ZBTB46: variants seen among roughly 807,000 people sequenced by gnomAD.
ZBTB46 encodes zinc finger and BTB domain containing 46.
In ZBTB46, 8 loss-of-function variants were observed where a neutral mutation model predicts 44.1. That is an observed-to-expected ratio of 0.18 (90% CI 0.11 to 0.33). The LOEUF (loss-of-function observed/expected upper bound fraction) is 0.33. Ranked by LOEUF, ZBTB46 falls within the 10% of genes least tolerant of loss-of-function variation. ZBTB46 has a pLI of 1.00. For synonymous variants in ZBTB46, 409 were observed against 382.3 expected, an observed-to-expected ratio of 1.07 and a Z score of -0.81; for missense variants, 651 against 847.7, an observed-to-expected ratio of 0.77 and a Z score of 2.88.
intron 1 of ZBTB46, among the ~76,000 whole-genome samples, chr20:63,801,383 C>T (rs1472089472): frequency 1.3e-5 from 2 of 152,150 alleles, no homozygotes; most frequent in Admixed American, 6.5e-5. Context: ...AATCAGCACC[C>T]TGTCAAAATG....
rs769621508 is a variant in ZBTB46, at chr20:63,790,575, G to A, written c.183C>T (p.Cys61=). The A allele has an allele frequency of 1.2e-6, 2 of 1,613,248 alleles. No individual in the cohort carries two copies. Among genetic ancestry groups the A allele is most frequent in the Non-Finnish European group, 1.7e-6 (2 of 1,180,020 alleles). The change falls in exon 2 of 5, where the codon TGC becomes TGT. Residue 61 remains cysteine (C), a synonymous_variant. Coordinates refer to ENST00000245663, the MANE Select transcript of ZBTB46 (RefSeq NM_001369741.1). ...CCTGCTCCGACGTCTTCTGCACCTG[G>A]CAGTAGAGCGTCTTGAAGTAGCGGC... The part of the protein sequence containing the change: ...GSSRYFKTLY[C]QVQKTSEQAT...
chr20:63,790,361 T>A lies in ZBTB46; in HGVS notation c.397A>T (p.Ile133Phe). Residue 133 changes from isoleucine to phenylalanine, a missense_variant, in exon 2 of 5, where the codon ATC becomes TTC. By Grantham distance (21) the Ile-to-Phe change is conservative. Around this residue, in one of 5 missense-constraint regions of ZBTB46, gnomAD observed 385 missense variants for 423.3 expected, o/e 0.91. Coordinates refer to ENST00000245663, the MANE Select transcript of ZBTB46 (RefSeq NM_001369741.1). Reference sequence around the variant, plus strand: ...AGCTCATCTGAGGCGTCCGACTTGATGCTGATGTCCAGCGCCGCCTTGATG... The same window carrying A: ...AGCTCATCTGAGGCGTCCGACTTGAAGCTGATGTCCAGCGCCGCCTTGATG... ...DFIKAALDISIKSDASDELAE... is the reference protein window; with the variant it reads ...DFIKAALDISFKSDASDELAE... The A allele has an allele frequency of 6.2e-7, 1 of 1,613,294 alleles. No homozygotes were observed. The highest frequency in any genetic ancestry group is 8.5e-7 in the Non-Finnish European group (1 of 1,179,966).
intron 3 of ZBTB46, 91 bp downstream of exon 3, chr20:63,775,585 ACC>A (rs2092418232): frequency 6.8e-7 from 1 of 1,464,410 alleles, no homozygotes; most frequent in African/African-American, 1.4e-5. Flanking sequence ...GCAGGGACAG[ACC>A]CTCAGCCTCA....
intron 1 of ZBTB46, among the ~76,000 whole-genome samples, chr20:63,799,974 G>T (rs2145973815): frequency 6.6e-6 from 1 of 152,302 alleles, no homozygotes; most frequent in South Asian, 2.1e-4. Context: ...TGTCCAGACA[G>T]ACTCATGCGT....
chr20:63,811,176 TGA>T (rs2092715805), intron 1 of ZBTB46, among the ~76,000 whole-genome samples: 1 of 148,144 alleles, frequency 6.8e-6, no homozygotes, highest in Admixed American at 6.7e-5. Context: ...AGAATGGGCA[TGA>T]GCCCCACCCC....
Position 63,752,112 on chromosome 20 carries a change from C to A in ZBTB46, c.1398+574G>T, listed in dbSNP as rs1418929155. On this transcript the variant is annotated intron_variant, in intron 4 of 4. Transcript: ENST00000245663. This position sits in a 1 kb window ranked among gnomAD's most constrained non-coding sequence, Gnocchi z 5.6. ...ACCCTTGGGGCCGCCCCGCTCTGGG[C>A]TGCCTGTGCCCCACCCGCCTCACTG... 6.6e-6 allele frequency among the ~76,000 whole-genome samples: 1 copy of A among 152,152 alleles called. No individual in the cohort carries two copies. The highest frequency in any genetic ancestry group is 1.9e-4 in the East Asian group (1 of 5,172).
intron 1 of ZBTB46, among the ~76,000 whole-genome samples, chr20:63,798,010 A>G (rs950286716): frequency 6.6e-6 from 1 of 152,154 alleles, no homozygotes; most frequent in Admixed American, 6.6e-5. Context: ...ATTAGATCCC[A>G]TTCATCAATT....
upstream of ZBTB46, chr20:63,831,311 C>CGCGT (rs1411741103): frequency 2.9e-5 from 4 of 139,806 alleles, no homozygotes; most frequent in Non-Finnish European, 6.3e-5. Context: ...CCCGCGCGCG[C>CGCGT]GCGCCCCGCC....
At chr20:63,751,229 C>T (rs1003911630) in intron 4 of ZBTB46, among the ~76,000 whole-genome samples, 18 of 151,874 alleles carry the variant, frequency 1.2e-4, no homozygotes, top group Non-Finnish European at 2.6e-4. Flanking sequence ...GGCTGGGGCC[C>T]CGGCGGCTCC....
chr20:63,831,502 C>T (rs531062274), upstream of ZBTB46, among the ~76,000 whole-genome samples: 15 of 146,744 alleles, frequency 1.0e-4, no homozygotes, highest in Admixed American at 6.7e-4. Context: ...GGGGTCCGTT[C>T]TCCCCCCCGC....
intron 1 of ZBTB46, among the ~76,000 whole-genome samples, chr20:63,804,563 C>T (rs1386492939): frequency 6.6e-6 from 1 of 152,180 alleles, no homozygotes; most frequent in African/African-American, 2.4e-5. Flanking sequence ...CATCTCAATG[C>T]TGGACAGGCC....
chr20:63,757,536 T>C (rs1224445788), intron 3 of ZBTB46, among the ~76,000 whole-genome samples: 4 of 152,142 alleles, frequency 2.6e-5, no homozygotes, highest in Admixed American at 2.6e-4. Context: ...TCACGGGCCC[T>C]GGCGGCGTGT....
chr20:63,792,899 T>C (rs2092572382), intron 1 of ZBTB46, among the ~76,000 whole-genome samples: 2 of 152,244 alleles, frequency 1.3e-5, no homozygotes, highest in Admixed American at 6.5e-5. Flanking sequence ...GAGAAGCTTT[T>C]GTGCCTGTCT....
intron 1 of ZBTB46, among the ~76,000 whole-genome samples, chr20:63,796,468 C>G (rs1601490697): frequency 6.6e-6 from 1 of 152,272 alleles, no homozygotes; most frequent in Non-Finnish European, 1.5e-5. Flanking sequence ...CACTTGATCT[C>G]TCTGTTTTGC....
intron 3 of ZBTB46, among the ~76,000 whole-genome samples, chr20:63,769,897 C>G (rs1038787870): frequency 6.6e-6 from 1 of 152,240 alleles, no homozygotes; most frequent in African/African-American, 2.4e-5. Context: ...TGCAAAACGC[C>G]TCCTGACGCC....
chr20:63,799,153 CCT>C (rs1161940970), intron 1 of ZBTB46, among the ~76,000 whole-genome samples: 1 of 151,850 alleles, frequency 6.6e-6, no homozygotes, highest in African/African-American at 2.4e-5. Context: ...ACCTCAGCCC[CCT>C]GAGTAGCTAG....
In ZBTB46 at chr20:63,790,172, A is replaced by T. The variant is rs1469148993; in HGVS notation, c.586T>A (p.Tyr196Asn). The stretch of plus-strand genomic sequence containing the variant: ...TTGGGCTCCTGATCCTCTTTCCCGT[A>T]GCTGCTCCCTCCGTCGTGACAGCTG... The part of the protein sequence containing the change: ...IASCHDGGSS[Y>N]GKEDQEPKAD... The change falls in exon 2 of 5, where the codon TAC (tyrosine) becomes AAC (asparagine). Residue 196 changes from tyrosine (Y) to asparagine (N), a missense_variant. This residue lies in a region of ZBTB46 where 385 missense variants were observed against 423.3 expected (regional missense o/e 0.91). Coordinates refer to ENST00000245663, the MANE Select transcript of ZBTB46 (RefSeq NM_001369741.1). 8 of 1,613,700 alleles carry T rather than the reference A, an allele frequency of 5.0e-6. No individual in the cohort carries two copies. The highest frequency in any genetic ancestry group is 5.9e-6 in the Non-Finnish European group (7 of 1,180,018).
chr20:63,770,194 G>A (rs1354578476), intron 3 of ZBTB46, among the ~76,000 whole-genome samples: 1 of 152,244 alleles, frequency 6.6e-6, no homozygotes, highest in East Asian at 1.9e-4. Context: ...GCTTGTCAGT[G>A]TGAAGTTGGC....
intron 1 of ZBTB46, among the ~76,000 whole-genome samples, chr20:63,791,969 T>C (rs2092564433): frequency 6.6e-6 from 1 of 152,218 alleles, no homozygotes; most frequent in African/African-American, 2.4e-5. Context: ...AGCTGGTGCC[T>C]GTTCCAGCCC....
Sources: allele counts gnomAD v4.1 joint callset (sites outside exome capture counted in the v4.1 genomes callset), GRCh38; gene constraint gnomAD v4.1.1; regional missense constraint gnomAD v4.1.1; non-coding constraint Gnocchi (gnomAD v3.1); transcripts MANE v1.5; gene names NCBI Gene and HGNC (gene_info 2026-07-23, HGNC 2026-07-21).